The following HCN1 variants were observed in gnomAD, a reference collection of about 807,000 sequenced individuals.
HCN1 encodes the protein hyperpolarization activated cyclic nucleotide gated potassium channel 1.
A neutral mutation model predicts 78.9 loss-of-function variants in HCN1; 13 were observed. That is an observed-to-expected ratio of 0.16 (90% CI 0.11 to 0.26). The LOEUF (loss-of-function observed/expected upper bound fraction) is 0.26. Among genes scored for constraint, HCN1 ranks in the 10% least tolerant of loss-of-function variants. The pLI is 1.00. For synonymous variants in HCN1, 552 were observed against 455.5 expected, an observed-to-expected ratio of 1.21 and a Z score of -2.70; for missense variants, 810 against 1,154.3, an observed-to-expected ratio of 0.70 and a Z score of 4.32.
At chr5:45,648,079 T>A (rs771997577) in intron 1 of HCN1, among the ~76,000 whole-genome samples, 12 of 152,172 alleles carry the variant, frequency 7.9e-5, no homozygotes, top group Non-Finnish European at 1.5e-4. Context: ...AGACGATATA[T>A]GCTAATCCCA....
At chr5:45,443,679 G>A (rs1284319242) in intron 3 of HCN1, among the ~76,000 whole-genome samples, 1 of 151,928 alleles carries the variant, frequency 6.6e-6, no homozygotes, top group African/African-American at 2.4e-5. Context: ...CATTACTTTT[G>A]GTGAATTGTG....
chr5:45,326,130 C>T (rs925275954), intron 5 of HCN1, among the ~76,000 whole-genome samples: 1 of 151,408 alleles, frequency 6.6e-6, no homozygotes, highest in Non-Finnish European at 1.5e-5. Context: ...CACGCATTTT[C>T]CTTAAAAAAA....
chr5:45,392,741 G>C (rs183091628), intron 4 of HCN1, among the ~76,000 whole-genome samples: 1 of 150,688 alleles, frequency 6.6e-6, no homozygotes. Context: ...AGCCAAGATC[G>C]CGCCACAGCA....
intron 3 of HCN1, among the ~76,000 whole-genome samples, chr5:45,455,561 C>G (rs1296475266): frequency 1.3e-5 from 2 of 151,810 alleles, no homozygotes; most frequent in Non-Finnish European, 2.9e-5. Flanking sequence ...ATAATATACA[C>G]TTAATTCATA....
intron 5 of HCN1, among the ~76,000 whole-genome samples, chr5:45,313,077 G>A (rs1579801556): frequency 6.6e-6 from 1 of 152,272 alleles, no homozygotes; most frequent in East Asian, 1.9e-4. Flanking sequence ...CCTCAAGTGG[G>A]TCCTTGACCC....
intron 6 of HCN1, among the ~76,000 whole-genome samples, chr5:45,272,201 C>A (rs569928655): frequency 2.0e-5 from 3 of 152,038 alleles, no homozygotes; most frequent in Admixed American, 6.6e-5. Flanking sequence ...GTAAACACAG[C>A]CCTTTGTTAG....
At position 45,586,701 on chromosome 5, in the gene HCN1, T is replaced by A. The variant is rs1395009369; in HGVS notation, c.849+58484A>T. The stretch of plus-strand genomic sequence containing the variant: ...TTGTTGTTTTAAGCCACCAAATTTG[T>A]GGCAATCTGTTGCAGCAGCAATAGA... On this transcript the variant is annotated intron_variant, in intron 2 of 7. Transcript: ENST00000303230. Among the ~76,000 whole-genome samples, 3 of 152,236 alleles carry A rather than the reference T, an allele frequency of 2.0e-5. No homozygotes were observed. In the East Asian group the frequency reaches 5.8e-4, roughly 30 times the overall value.
chr5:45,681,785 T>C (rs909979323), intron 1 of HCN1, among the ~76,000 whole-genome samples: 6 of 152,156 alleles, frequency 3.9e-5, no homozygotes, highest in Admixed American at 3.9e-4. Context: ...CTAAATGTCA[T>C]TGCCCAAAGG....
intron 4 of HCN1, among the ~76,000 whole-genome samples, chr5:45,365,757 A>C (rs1375135095): frequency 6.6e-6 from 1 of 151,832 alleles, no homozygotes; most frequent in Non-Finnish European, 1.5e-5. Context: ...TTCTTTGAGA[A>C]TCTCCATATC....
In HCN1 at chr5:45,695,653, G is replaced by A. The variant is rs1439799182; in HGVS notation, c.425+16C>T. 2 of 1,609,650 alleles carry A rather than the reference G, an allele frequency of 1.2e-6. No homozygotes were observed. The highest frequency in any genetic ancestry group is 1.7e-6 in the Non-Finnish European group (2 of 1,178,328). ...GCGCCTGAAGGGAGGGTGGGGCGGC[G>A]ACCGGGAGCCCTCACCTGAAATCAC... On this transcript the variant is annotated intron_variant, in intron 1 of 7. Coordinates refer to ENST00000303230, the MANE Select transcript of HCN1 (RefSeq NM_021072.4).
At chr5:45,501,601 C>T (rs888862970) in intron 2 of HCN1, among the ~76,000 whole-genome samples, 14 of 151,930 alleles carry the variant, frequency 9.2e-5, no homozygotes, top group African/African-American at 3.1e-4. Flanking sequence ...CCACCACGCC[C>T]GGTTAATTTT....
intron 2 of HCN1, among the ~76,000 whole-genome samples, chr5:45,564,772 T>C (rs985192833): frequency 2.0e-5 from 3 of 152,124 alleles, no homozygotes; most frequent in African/African-American, 7.2e-5. Flanking sequence ...TAAAAAGGAA[T>C]AATCGCAAAT....
intron 2 of HCN1, among the ~76,000 whole-genome samples, chr5:45,519,507 AC>A (rs1742574784): frequency 6.6e-6 from 1 of 152,014 alleles, no homozygotes; most frequent in Non-Finnish European, 1.5e-5. Context: ...TGAGAAAAAA[AC>A]AATGTGCAGT....
chr5:45,375,446 A>T (rs1406719509), intron 4 of HCN1, among the ~76,000 whole-genome samples: 3 of 112,912 alleles, frequency 2.7e-5, no homozygotes, highest in African/African-American at 1.1e-4. Context: ...ATATAAGATC[A>T]TATTTTATGA....
intron 2 of HCN1, among the ~76,000 whole-genome samples, chr5:45,582,597 G>C (rs186469007): frequency 1.7e-4 from 26 of 152,112 alleles, no homozygotes; most frequent in East Asian, 7.7e-4. Context: ...CTGTCTTGTG[G>C]CAGTTTTCAA....
chr5:45,273,507 T>C (rs1192083935), intron 6 of HCN1, among the ~76,000 whole-genome samples: 2 of 152,040 alleles, frequency 1.3e-5, no homozygotes, highest in African/African-American at 2.4e-5. Context: ...CTCAGAAATA[T>C]TTTCCTGACC....
chr5:45,405,946 T>A (rs1452512162), intron 3 of HCN1, among the ~76,000 whole-genome samples: 2 of 152,180 alleles, frequency 1.3e-5, no homozygotes, highest in Non-Finnish European at 2.9e-5. Flanking sequence ...GCTTCAAGAA[T>A]GATGATAAAA....
rs1744735301 is a variant in HCN1, at chr5:45,261,554, GT to G, written c.*366del. 6.1e-6 allele frequency: 1 copy of G among 162,850 alleles called. No individual in the cohort carries two copies. The highest frequency in any genetic ancestry group is 1.6e-4 in the South Asian group (1 of 6,356). The allele number at this position is 162,850 out of a possible 1,614,324, so 10.1% of individuals were successfully genotyped here. On this transcript the variant is annotated 3_prime_UTR_variant, in exon 8 of 8. Transcript: ENST00000303230. ...CATTTGAGTTGCCTTTTTAAAATCA[GT>G]TTTGTTTCCATTGAATCCAAGAACT...
chr5:45,547,695 CT>C (rs1743257874), intron 2 of HCN1, among the ~76,000 whole-genome samples: 1 of 151,802 alleles, frequency 6.6e-6, no homozygotes, highest in African/African-American at 2.4e-5. Flanking sequence ...GGTTCTGATA[CT>C]GTGTGTCAAG....
Sources: allele counts gnomAD v4.1 joint callset (sites outside exome capture counted in the v4.1 genomes callset), GRCh38; gene constraint gnomAD v4.1.1; transcripts MANE v1.5; gene names NCBI Gene and HGNC (gene_info 2026-07-23, HGNC 2026-07-21).